The following PCDHA1 variants were observed in gnomAD, a reference collection of about 807,000 sequenced individuals.
PCDHA1 encodes protocadherin alpha-1.
A neutral mutation model predicts 61.3 loss-of-function variants in PCDHA1; 42 were observed. That is an observed-to-expected ratio of 0.69 (90% CI 0.54 to 0.89). The LOEUF (loss-of-function observed/expected upper bound fraction) is 0.89. PCDHA1 is among the 40% of genes least tolerant of loss of function. The pLI is 0.00. For missense variants in PCDHA1, 1,256 were observed against 1,235.3 expected, an observed-to-expected ratio of 1.02 and a Z score of -0.25; for synonymous variants, 610 against 553.8, an observed-to-expected ratio of 1.10 and a Z score of -1.43.
chr5:140,901,767 T>C (rs1341707404), intron 1 of PCDHA1, among the ~76,000 whole-genome samples: 5 of 152,252 alleles, frequency 3.3e-5, no homozygotes, highest in African/African-American at 1.2e-4. Flanking sequence ...AGGGATTGCA[T>C]TGAATTTGTA....
chr5:140,929,226 C>T (rs782065898), intron 1 of PCDHA1: 14 of 1,613,766 alleles, frequency 8.7e-6, no homozygotes, highest in African/African-American at 5.3e-5. Flanking sequence ...ACAATGCTGC[C>T]GACCTGCGAA....
At chr5:140,799,104 A>G (rs1289036851) in intron 1 of PCDHA1, among the ~76,000 whole-genome samples, 1 of 152,172 alleles carries the variant, frequency 6.6e-6, no homozygotes, top group Non-Finnish European at 1.5e-5. Context: ...AAGTTTTTTC[A>G]AAACATTCTT....
At position 140,850,252 on chromosome 5, in the gene PCDHA1, G is replaced by C. The variant is rs1377963742; in HGVS notation, c.2394+61568G>C. 3.1e-5 allele frequency: 49 copies of C among 1,593,714 alleles called. 1 individual carries two copies. The East Asian group carries it at 1.0e-3, about 34-fold the overall frequency. ...AGCGAGATGGTGCTGCGGTCGGTGGGCGCCGGCGTAGTGGTGGGGAAGGTG... is the reference window on the plus strand; with the variant it reads ...AGCGAGATGGTGCTGCGGTCGGTGGCCGCCGGCGTAGTGGTGGGGAAGGTG... On this transcript the variant is annotated intron_variant, in intron 1 of 3. Transcript: ENST00000504120.
At chr5:140,808,879 A>T (rs782200708) in intron 1 of PCDHA1, 2 of 1,613,212 alleles carry the variant, frequency 1.2e-6, no homozygotes, top group Non-Finnish European at 1.7e-6. Context: ...ACGCGCCAGC[A>T]CTGCTAGCGC....
chr5:140,995,684 A>G (rs2097694657), intron 3 of PCDHA1, among the ~76,000 whole-genome samples: 1 of 152,144 alleles, frequency 6.6e-6, no homozygotes, highest in Non-Finnish European at 1.5e-5. Context: ...ATTTTTTTTA[A>G]TTGTTAAATA....
At chr5:140,960,832 G>T (rs141442734) in intron 1 of PCDHA1, among the ~76,000 whole-genome samples, 1 of 152,230 alleles carries the variant, frequency 6.6e-6, no homozygotes, top group African/African-American at 2.4e-5. Flanking sequence ...TGGAAACTTG[G>T]AACAGGTTTA....
Position 140,969,468 on chromosome 5 carries a change from A to G in PCDHA1, c.2395-9481A>G, listed in dbSNP as rs1554231867. 18 of 1,486,304 alleles carry G rather than the reference A, an allele frequency of 1.2e-5. No individual in the cohort carries two copies. In the South Asian group the frequency reaches 2.5e-4, roughly 21 times the overall value. 92.1% of individuals were successfully genotyped at this position (1,486,304 alleles called of 1,614,324 possible). The stretch of plus-strand genomic sequence containing the variant: ...AAACTGAGTATATATAGTATCCACA[A>G]TTTGATCATAATCTGCTATTTCCTC... On this transcript the variant is annotated intron_variant, in intron 1 of 3. Transcript: ENST00000504120.
intron 1 of PCDHA1, chr5:140,857,523 C>T: frequency 1.9e-6 from 3 of 1,597,998 alleles, no homozygotes; most frequent in South Asian, 2.2e-5. Flanking sequence ...GTGTCCTACT[C>T]TCTGGTGGAG....
At chr5:140,857,441 G>A (rs1554150037) in intron 1 of PCDHA1, 3 of 1,598,446 alleles carry the variant, frequency 1.9e-6, no homozygotes, top group African/African-American at 1.3e-5. Context: ...GTTCGTGAAG[G>A]AGAACAACCC....
intron 3 of PCDHA1, among the ~76,000 whole-genome samples, chr5:140,996,041 C>T (rs2097709262): frequency 6.6e-6 from 1 of 152,224 alleles, no homozygotes; most frequent in African/African-American, 2.4e-5. Context: ...TAGCACTTAA[C>T]ACAGTGCTTG....
chr5:140,934,377 G>A (rs1183246116), intron 1 of PCDHA1, among the ~76,000 whole-genome samples: 2 of 152,050 alleles, frequency 1.3e-5, no homozygotes, highest in Non-Finnish European at 2.9e-5. Flanking sequence ...TCCTTCTGTG[G>A]TTCTATGGTG....
chr5:140,803,204 G>A, intron 1 of PCDHA1: 1 of 1,613,900 alleles, frequency 6.2e-7, no homozygotes, highest in Non-Finnish European at 8.5e-7. Context: ...TGGTGTCGCT[G>A]GTGGAGAGTG....
Position 140,808,677 on chromosome 5 carries a change from G to T in PCDHA1, c.2394+19993G>T. ...CTGGTGTCCTACTCGCTGGTAGAGC[G>T]GCGGGTAGGGGAGCGCGCGCTGTCG... On this transcript the variant is annotated intron_variant, in intron 1 of 3. Coordinates refer to ENST00000504120, the MANE Select transcript of PCDHA1 (RefSeq NM_018900.4). The T allele has an allele frequency of 6.2e-7, 1 of 1,612,648 alleles. No individual in the cohort carries two copies. Among genetic ancestry groups the T allele is most frequent in the Non-Finnish European group, 8.5e-7 (1 of 1,179,834 alleles).
chr5:140,975,127 T>C (rs1331047394), intron 1 of PCDHA1, among the ~76,000 whole-genome samples: 2 of 152,288 alleles, frequency 1.3e-5, no homozygotes, highest in East Asian at 1.9e-4. Flanking sequence ...CTACTTACTA[T>C]TGGCCTGGGG....
At chr5:140,869,204 C>T in intron 1 of PCDHA1, 1 of 1,613,960 alleles carries the variant, frequency 6.2e-7, no homozygotes, top group Non-Finnish European at 8.5e-7. Context: ...CTCCACTACT[C>T]CGTCTCGGAG....
intron 3 of PCDHA1, among the ~76,000 whole-genome samples, chr5:141,000,396 T>TCTATAA (rs2097916207): frequency 7.7e-5 from 5 of 65,332 alleles, no homozygotes; most frequent in African/African-American, 3.1e-4. Context: ...TCTCTCTCTC[T>TCTATAA]ATATATATAT....
chr5:140,824,236 A>G (rs1554129815), intron 1 of PCDHA1: 1 of 1,505,494 alleles, frequency 6.6e-7, no homozygotes, highest in Admixed American at 1.7e-5. Context: ...GTACACAAAT[A>G]TTGTGGTACA....
chr5:140,812,305 T>C (rs1765078735), intron 1 of PCDHA1: 1 of 152,126 alleles, frequency 6.6e-6, no homozygotes, highest in African/African-American at 2.4e-5. Context: ...TATATGATTT[T>C]AAAAGCCTCT....
chr5:140,902,203 C>CTTTTTTTT (rs148688132), intron 1 of PCDHA1, among the ~76,000 whole-genome samples: 9 of 124,444 alleles, frequency 7.2e-5, no homozygotes, highest in Non-Finnish European at 8.4e-5. Context: ...CTCTCTCTTT[C>CTTTTTTTT]TTTTTTTTTT....
Sources: gnomAD v4.1 joint callset for allele counts (sites outside exome capture counted in the v4.1 genomes callset) on GRCh38, gnomAD v4.1.1 for gene constraint, MANE v1.5 for transcripts, NCBI Gene and HGNC (gene_info 2026-07-23, HGNC 2026-07-21) for gene names.